Variants in PCDHGA3 observed in about 807,000 individuals in gnomAD.
PCDHGA3 encodes the protein protocadherin gamma-A3.
A neutral mutation model predicts 58.5 loss-of-function variants in PCDHGA3; 40 were observed. The observed-to-expected ratio is 0.68, with a 90% CI of 0.53 to 0.89. The LOEUF (loss-of-function observed/expected upper bound fraction) is 0.89. Ranked by LOEUF, PCDHGA3 falls within the 40% of genes least tolerant of loss-of-function variation. The probability of loss-of-function intolerance (pLI) is 0.00; values close to 1 mark genes in which losing one functional copy is unlikely to be tolerated. For missense variants in PCDHGA3, 1,223 were observed against 1,195.9 expected (o/e 1.02, Z -0.33); for synonymous variants, 530 against 525.7 (o/e 1.01, Z -0.11).
At chr5:141,439,445 G>A (rs1030957687) in intron 1 of PCDHGA3, among the ~76,000 whole-genome samples, 5 of 152,102 alleles carry the variant, frequency 3.3e-5, no homozygotes, top group African/African-American at 4.8e-5. Flanking sequence ...ATTTTATTGC[G>A]GGAGCAAGAC....
chr5:141,370,618 T>G, intron 1 of PCDHGA3: 1 of 1,613,964 alleles, frequency 6.2e-7, no homozygotes, highest in Non-Finnish European at 8.5e-7. Context: ...AAGAAATTCT[T>G]TACCGTGAGC....
rs1467738404 is a variant in PCDHGA3 at position 141,430,698 on chromosome 5, G to A, written c.2425-64109G>A. On this transcript the variant is annotated intron_variant, in intron 1 of 3. Coordinates refer to ENST00000253812, the MANE Select transcript of PCDHGA3 (RefSeq NM_018916.4). The stretch of plus-strand genomic sequence containing the variant: ...CAACTGTCCCATTCTATGGGCGAAG[G>A]AACTGCTCCTGACTTCAGTGGTTAA... 4.1e-6 allele frequency: 6 copies of A among 1,451,686 alleles called. No homozygotes were observed. The South Asian group carries it at 7.8e-5, about 19-fold the overall frequency. The allele number at this position is 1,451,686 out of a possible 1,614,324, so 89.9% of individuals were successfully genotyped here.
intron 1 of PCDHGA3, among the ~76,000 whole-genome samples, chr5:141,348,371 C>T (rs535633388): frequency 6.6e-6 from 1 of 152,178 alleles, no homozygotes; most frequent in South Asian, 2.1e-4. Context: ...GACTTTGAGA[C>T]CTACTTGGGC....
intron 1 of PCDHGA3, chr5:141,388,884 G>A: frequency 1.9e-6 from 3 of 1,614,002 alleles, no homozygotes; most frequent in Non-Finnish European, 2.5e-6. Flanking sequence ...AGTGGAGGTA[G>A]AAGTCATAGA....
Position 141,491,905 on chromosome 5 carries a change from G to A in PCDHGA3, c.2425-2902G>A. 7.1e-7 allele frequency: 1 copy of A among 1,418,328 alleles called. No individual in the cohort carries two copies. Among genetic ancestry groups the A allele is most frequent in the Non-Finnish European group, 9.3e-7 (1 of 1,069,952 alleles). 87.9% of individuals were successfully genotyped at this position (1,418,328 alleles called of 1,614,324 possible). ...GATGGGGCTCCGAGCACCGGGGGTG[G>A]TGGCGACTGTGGGCGAGGGGAGGTG... On this transcript the variant is annotated intron_variant, in intron 1 of 3. Transcript: ENST00000253812. This position sits in a 1 kb window ranked among gnomAD's most constrained non-coding sequence, Gnocchi z 6.9.
At position 141,374,694 on chromosome 5, in the gene PCDHGA3, G is replaced by T. The variant is rs375847789; in HGVS notation, c.2424+28237G>T. The T allele has an allele frequency of 1.2e-6, 2 of 1,609,362 alleles. No individual in the cohort carries two copies. Among genetic ancestry groups the T allele is most frequent in the Non-Finnish European group, 1.7e-6 (2 of 1,177,726 alleles). On this transcript the variant is annotated intron_variant, in intron 1 of 3. Coordinates refer to ENST00000253812, the MANE Select transcript of PCDHGA3 (RefSeq NM_018916.4). ...CTGGAGGGCACACTGGACCGGGAAG[G>T]AGAAGCCGTTTACCGCCTGGTCCTT...
intron 2 of PCDHGA3, among the ~76,000 whole-genome samples, chr5:141,503,324 C>T (rs1389385473): frequency 7.9e-5 from 12 of 152,014 alleles, no homozygotes; most frequent in South Asian, 2.1e-4. Context: ...TGGAGGGGCG[C>T]GGTGGCTCAC....
chr5:141,420,022 T>A, intron 1 of PCDHGA3: 3 of 1,614,104 alleles, frequency 1.9e-6, no homozygotes, highest in Middle Eastern at 3.3e-4. Flanking sequence ...CTTTCAGCCC[T>A]ACTGCAGGAG....
rs759437302 is a variant in PCDHGA3, at chr5:141,476,861, T to C, written c.2425-17946T>C. On this transcript the variant is annotated intron_variant, in intron 1 of 3. Transcript: ENST00000253812. The surrounding 1 kb of genome is among the most constrained non-coding windows in gnomAD (Gnocchi z 7.6). Reference sequence around the variant, plus strand: ...TGCGCCTGTCTTCAACCAGTCCTTGTACCGGGCGCGCGTCCTGGAGGATGC... The same window carrying C: ...TGCGCCTGTCTTCAACCAGTCCTTGCACCGGGCGCGCGTCCTGGAGGATGC... 6.2e-7 allele frequency: 1 copy of C among 1,613,864 alleles called. No individual in the cohort carries two copies. The highest frequency in any genetic ancestry group is 1.7e-5 in the Admixed American group (1 of 60,034).
chr5:141,425,585 A>T (rs1270579511), intron 1 of PCDHGA3, among the ~76,000 whole-genome samples: 1 of 152,252 alleles, frequency 6.6e-6, no homozygotes, highest in Non-Finnish European at 1.5e-5. Context: ...GGCTAACTTT[A>T]TTCTGAATAT....
rs1265360670 is a variant in PCDHGA3, at chr5:141,435,001, T to A, written c.2425-59806T>A. On this transcript the variant is annotated intron_variant, in intron 1 of 3. Transcript: ENST00000253812. ...TACTCTATATCATTTTCTAGCTGAATTTATCAATGATAATGCTCTTTTCCC... is the reference window on the plus strand; with the variant it reads ...TACTCTATATCATTTTCTAGCTGAAATTATCAATGATAATGCTCTTTTCCC... Among the ~76,000 whole-genome samples the A allele has an allele frequency of 3.9e-5, 6 of 152,120 alleles. No homozygotes were observed. In the East Asian group the frequency reaches 1.2e-3, roughly 29 times the overall value.
chr5:141,351,887 A>T (rs778485455), intron 1 of PCDHGA3: 1 of 1,613,388 alleles, frequency 6.2e-7, no homozygotes, highest in Non-Finnish European at 8.5e-7. Context: ...CGCCAACGTG[A>T]GCCTGCGCGT....
intron 1 of PCDHGA3, chr5:141,404,334 T>TC: frequency 6.2e-7 from 1 of 1,613,882 alleles, no homozygotes; most frequent in Non-Finnish European, 8.5e-7. Context: ...TCAGTCTACC[T>TC]CCCGGAAAAC....
At position 141,430,859 on chromosome 5, in the gene PCDHGA3, T is replaced by G. The variant is rs770543752; in HGVS notation, c.2425-63948T>G. The stretch of plus-strand genomic sequence containing the variant: ...GACCGGATGCACCCAGATACGCTAT[T>G]CAGTTCCGGAAGAGCTGGAGAAAGG... On this transcript the variant is annotated intron_variant, in intron 1 of 3. Transcript: ENST00000253812. 5.0e-6 allele frequency: 8 copies of G among 1,592,398 alleles called. No homozygotes were observed. The East Asian group carries it at 1.6e-4, about 31-fold the overall frequency.
intron 1 of PCDHGA3, among the ~76,000 whole-genome samples, chr5:141,454,266 C>T (rs2098785508): frequency 1.3e-5 from 2 of 152,132 alleles, no homozygotes; most frequent in African/African-American, 4.8e-5. Flanking sequence ...AAAGTAATGC[C>T]AGCAAAAACT....
intron 1 of PCDHGA3, among the ~76,000 whole-genome samples, chr5:141,368,538 C>T (rs1004071983): frequency 6.6e-6 from 1 of 151,336 alleles, no homozygotes; most frequent in Admixed American, 6.6e-5. Context: ...ACTTGCTTTT[C>T]CATTTTTTTT....
chr5:141,395,562 G>T (rs975935179), intron 1 of PCDHGA3: 2 of 227,450 alleles, frequency 8.8e-6, no homozygotes, highest in Non-Finnish European at 1.7e-5. Context: ...GTGTGTGTGT[G>T]TGTGTGTGTG....
At chr5:141,379,171 A>G (rs1561582641) in intron 1 of PCDHGA3, 1 of 152,248 alleles carries the variant, frequency 6.6e-6, no homozygotes, top group Non-Finnish European at 1.5e-5. Flanking sequence ...GTCTTCTTAA[A>G]GATAACATTG....
rs1472816403 is a variant in PCDHGA3 at position 141,451,473 on chromosome 5, C to T, written c.2425-43334C>T. On this transcript the variant is annotated intron_variant, in intron 1 of 3. Transcript: ENST00000253812. ...TGTTAGCTTGAGGTCTACCTCAGTTCCTTGCCATGTGGACCTCCATAGGGC... is the reference window on the plus strand; with the variant it reads ...TGTTAGCTTGAGGTCTACCTCAGTTTCTTGCCATGTGGACCTCCATAGGGC... Among the ~76,000 whole-genome samples the T allele has an allele frequency of 2.0e-5, 3 of 152,218 alleles. No homozygotes were observed. In the East Asian group the frequency reaches 5.8e-4, roughly 29 times the overall value.
Sources: gnomAD v4.1 joint callset for allele counts (sites outside exome capture counted in the v4.1 genomes callset) on GRCh38, gnomAD v4.1.1 for gene constraint, Gnocchi (gnomAD v3.1) non-coding constraint, MANE v1.5 for transcripts, NCBI Gene and HGNC (gene_info 2026-07-23, HGNC 2026-07-21) for gene names.